XRRA1: variants seen among roughly 807,000 people sequenced by gnomAD.
The protein encoded by XRRA1 is X-ray radiation resistance associated 1.
In XRRA1, 69 loss-of-function variants were observed where a neutral mutation model predicts 80.2. That is an observed-to-expected ratio of 0.86 (90% CI 0.71 to 1.05). The LOEUF (loss-of-function observed/expected upper bound fraction) is 1.05, where lower values mean the gene tolerates loss of function less well. Among genes scored for constraint, XRRA1 ranks in the 50% least tolerant of loss-of-function variants. XRRA1 has a pLI of 0.00. For missense variants in XRRA1, 967 were observed against 976.4 expected, an observed-to-expected ratio of 0.99 and a Z score of 0.13; for synonymous variants, 348 against 389.9, an observed-to-expected ratio of 0.89 and a Z score of 1.27.
intron 10 of XRRA1, among the ~76,000 whole-genome samples, chr11:74,877,512 G>A (rs937710696): frequency 1.3e-5 from 2 of 151,436 alleles, no homozygotes; most frequent in Admixed American, 6.6e-5. Context: ...TGCACATTGT[G>A]CAGGTTAGTT....
At chr11:74,906,960 A>G (rs1163024311) in intron 9 of XRRA1, 185 bp downstream of exon 9, 1 of 696,716 alleles carries the variant, frequency 1.4e-6, no homozygotes, top group Non-Finnish European at 2.3e-6. Context: ...GTCCTCACTC[A>G]TGGCCATTTT....
rs1591490086 is a variant in XRRA1, at chr11:74,927,298, GC to G, written c.522+92del. 25 of 367,784 alleles carry G rather than the reference GC, an allele frequency of 6.8e-5. No homozygotes were observed. In the Middle Eastern group the frequency reaches 9.3e-3, roughly 137 times the overall value. 22.8% of individuals were successfully genotyped at this position (367,784 alleles called of 1,614,324 possible). ...GGGCCTGGCTGTACAGGCCCAGCAA[GC>G]CCCTTCCCAACAGTTATAATCAGTA... On this transcript the variant is annotated intron_variant, in intron 7 of 18. Coordinates refer to ENST00000684022, the MANE Select transcript of XRRA1 (RefSeq NM_001378157.1).
chr11:74,942,272 T>G (rs180994270), intron 2 of XRRA1, among the ~76,000 whole-genome samples: 2 of 151,882 alleles, frequency 1.3e-5, no homozygotes. Context: ...GGACCGAAAA[T>G]AGGCCATGAG....
At chr11:74,947,698 TATC>T (rs1947873634) in intron 1 of XRRA1, among the ~76,000 whole-genome samples, 1 of 152,170 alleles carries the variant, frequency 6.6e-6, no homozygotes, top group Non-Finnish European at 1.5e-5. Context: ...GGTAATGAAA[TATC>T]ATCTGATGTT....
chr11:74,928,705 AC>A (rs1234068074), intron 6 of XRRA1, among the ~76,000 whole-genome samples: 4 of 152,172 alleles, frequency 2.6e-5, no homozygotes. Context: ...GTTCAGTAGA[AC>A]CTAATAAAGG....
At chr11:74,891,077 A>G (rs1591096838) in intron 10 of XRRA1, among the ~76,000 whole-genome samples, 1 of 152,224 alleles carries the variant, frequency 6.6e-6, no homozygotes, top group Non-Finnish European at 1.5e-5. Flanking sequence ...TCCTGATACC[A>G]AAGCCTGGCA....
chr11:74,855,066 G>GA (rs1404558717), intron 12 of XRRA1, among the ~76,000 whole-genome samples: 2 of 151,618 alleles, frequency 1.3e-5, no homozygotes, highest in Non-Finnish European at 2.9e-5. Flanking sequence ...AAAGAAAAAA[G>GA]AAAAAAAATA....
intron 8 of XRRA1, chr11:74,910,110 CAA>C (rs2055524411): frequency 6.6e-6 from 1 of 152,200 alleles, no homozygotes; most frequent in Non-Finnish European, 1.5e-5. Context: ...CTGCAACAAA[CAA>C]GATGAAACTT....
intron 8 of XRRA1, chr11:74,913,545 C>T (rs2056343064): frequency 6.6e-6 from 1 of 152,196 alleles, no homozygotes. Flanking sequence ...AGCTAAGGAC[C>T]TATCAAATGT....
chr11:74,855,682 T>C (rs2040919800), intron 12 of XRRA1, among the ~76,000 whole-genome samples: 1 of 152,256 alleles, frequency 6.6e-6, no homozygotes, highest in South Asian at 2.1e-4. Context: ...ATTATTTTAC[T>C]TTTGACACAA....
chr11:74,857,029 C>G (rs1243455132), intron 12 of XRRA1, among the ~76,000 whole-genome samples: 1 of 151,998 alleles, frequency 6.6e-6, no homozygotes, highest in Non-Finnish European at 1.5e-5. Flanking sequence ...CTGCCTAAGA[C>G]TGGGGCTAGA....
chr11:74,901,265 A>G (rs2137890013), intron 10 of XRRA1, among the ~76,000 whole-genome samples: 2 of 152,320 alleles, frequency 1.3e-5, no homozygotes, highest in African/African-American at 4.8e-5. Flanking sequence ...TAAAAACTAT[A>G]AAACACCAAT....
At chr11:74,939,456 C>T (rs1945839677) in intron 3 of XRRA1, among the ~76,000 whole-genome samples, 1 of 152,200 alleles carries the variant, frequency 6.6e-6, no homozygotes, top group Non-Finnish European at 1.5e-5. Context: ...CAACCCAATT[C>T]CGCCATTATT....
chr11:74,843,740 T>C, intron 18 of XRRA1, 114 bp downstream of exon 18: 1 of 958,974 alleles, frequency 1.0e-6, no homozygotes, highest in Non-Finnish European at 1.6e-6. Flanking sequence ...TAGAGACTGA[T>C]GTAGGCAGTT....
chr11:74,940,937 G>A, intron 2 of XRRA1, 55 bp from the exon 3 acceptor site: 1 of 1,341,542 alleles, frequency 7.5e-7, no homozygotes, highest in Non-Finnish European at 1.0e-6. Flanking sequence ...GCACAGCAGA[G>A]CACTCTTACT....
chr11:74,884,636 A>G (rs1238940421), intron 10 of XRRA1, among the ~76,000 whole-genome samples: 2 of 151,946 alleles, frequency 1.3e-5, no homozygotes, highest in African/African-American at 4.8e-5. Context: ...TCTTTCTTTC[A>G]CCTATTAAAC....
intron 13 of XRRA1, among the ~76,000 whole-genome samples, chr11:74,851,561 G>T (rs1437514009): frequency 6.6e-6 from 1 of 152,184 alleles, no homozygotes; most frequent in Non-Finnish European, 1.5e-5. Context: ...CATTCAGTGT[G>T]CTCTGGGAAG....
intron 10 of XRRA1, among the ~76,000 whole-genome samples, chr11:74,865,595 A>T (rs1208108434): frequency 2.0e-5 from 3 of 152,190 alleles, no homozygotes; most frequent in African/African-American, 7.2e-5. Context: ...CTCTTGTTGC[A>T]GTCAAGGAAC....
intron 10 of XRRA1, among the ~76,000 whole-genome samples, chr11:74,875,645 G>C (rs906414116): frequency 6.6e-6 from 1 of 152,154 alleles, no homozygotes; most frequent in Admixed American, 6.5e-5. Flanking sequence ...TTGGCGGGTG[G>C]ATCACTTGAC....
Sources: allele counts gnomAD v4.1 joint callset (sites outside exome capture counted in the v4.1 genomes callset), GRCh38; gene constraint gnomAD v4.1.1; transcripts MANE v1.5; gene names NCBI Gene and HGNC (gene_info 2026-07-23, HGNC 2026-07-21).